Variants in NAV3 observed in about 807,000 individuals in gnomAD.
The protein encoded by NAV3 is pore membrane and/or filament interacting like protein 1.
NAV3 carries 87 observed loss-of-function variants against 244.7 expected under a neutral mutation model. That is an observed-to-expected ratio of 0.36 (90% confidence interval 0.30 to 0.42). The LOEUF is 0.42. Ranked by LOEUF, NAV3 falls within the 20% of genes least tolerant of loss-of-function variation. The pLI is 1.00. For missense variants in NAV3, 2,663 were observed against 2,893.3 expected (o/e 0.92, Z 1.83); for synonymous variants, 1,126 against 1,042.2 (o/e 1.08, Z -1.55).
chr12:77,723,596 C>T (rs77426435), intron 2 of NAV3, among the ~76,000 whole-genome samples: 1 of 151,810 alleles, frequency 6.6e-6, no homozygotes, highest in Admixed American at 6.6e-5. Flanking sequence ...GGTTCACACA[C>T]CTTCTCCCTG....
Position 77,698,756 on chromosome 12 carries a change from A to G in NAV3, c.72+126490A>G, listed in dbSNP as rs77877081. 8.0e-3 allele frequency among the ~76,000 whole-genome samples: 1,222 copies of G among 152,242 alleles called. 18 individuals are homozygous for G. The highest frequency in any genetic ancestry group is 0.028 in the African/African-American group (1,159 of 41,538). ...GAGGTATCCTCCTGAAGGCTGGTAA[A>G]ATTCTCTATGTGAATGGCATGGCTA... On this transcript the variant is annotated intron_variant, in intron 2 of 8. Transcript: ENST00000550042.
chr12:77,862,012 T>A (rs1879327676), intron 1 of NAV3, among the ~76,000 whole-genome samples: 1 of 151,800 alleles, frequency 6.6e-6, no homozygotes, highest in South Asian at 2.1e-4. Flanking sequence ...CACACACACA[T>A]GAATATACTT....
chr12:77,644,825 TAAAC>T (rs775473997), intron 2 of NAV3, among the ~76,000 whole-genome samples: 22 of 152,220 alleles, frequency 1.4e-4, no homozygotes, highest in African/African-American at 3.4e-4. Flanking sequence ...AAGAGTAGGC[TAAAC>T]AAACAAAGCA....
chr12:77,638,578 C>G (rs1391527295), intron 2 of NAV3, among the ~76,000 whole-genome samples: 1 of 152,226 alleles, frequency 6.6e-6, no homozygotes, highest in Non-Finnish European at 1.5e-5. Context: ...GTGCAATTCT[C>G]TCATCTACTA....
intron 2 of NAV3, among the ~76,000 whole-genome samples, chr12:77,768,124 C>A (rs2135865132): frequency 6.6e-6 from 1 of 152,318 alleles, no homozygotes; most frequent in African/African-American, 2.4e-5. Flanking sequence ...CCATCATCTG[C>A]CCGAATCTGG....
In NAV3 at chr12:78,011,281, T is replaced by C. The variant is rs181048589; in HGVS notation, c.1907+3836T>C. 3.5e-4 allele frequency among the ~76,000 whole-genome samples: 54 copies of C among 152,246 alleles called. 1 individual carries two copies. Among genetic ancestry groups the C allele is most frequent in the Non-Finnish European group, 3.1e-4 (21 of 68,008 alleles). On this transcript the variant is annotated intron_variant, in intron 8 of 39. Transcript: ENST00000397909. The stretch of plus-strand genomic sequence containing the variant: ...ATTGCTGCATACTTTTTCATTTATG[T>C]ACTCATCCCTCATTCTACAAATACT...
chr12:77,750,801 A>C (rs1868811857), intron 2 of NAV3, among the ~76,000 whole-genome samples: 1 of 152,224 alleles, frequency 6.6e-6, no homozygotes, highest in Non-Finnish European at 1.5e-5. Context: ...ATTTTATTCC[A>C]AATCTGGCAA....
intron 23 of NAV3, among the ~76,000 whole-genome samples, chr12:78,160,089 G>T (rs1957462981): frequency 1.3e-5 from 2 of 152,070 alleles, no homozygotes; most frequent in South Asian, 4.1e-4. Flanking sequence ...GAAATAACAA[G>T]AACTAGTTGC....
intron 17 of NAV3, 59 bp downstream of exon 17, chr12:78,127,267 T>C (rs3816381): frequency 2.0e-6 from 3 of 1,500,396 alleles, no homozygotes; most frequent in African/African-American, 1.4e-5. Flanking sequence ...CTTTGTGTGC[T>C]GTCTCTCTTC....
intron 24 of NAV3, among the ~76,000 whole-genome samples, chr12:78,172,608 C>G (rs1958051731): frequency 6.6e-6 from 1 of 151,382 alleles, no homozygotes; most frequent in African/African-American, 2.4e-5. Flanking sequence ...GAAGATTATT[C>G]CAAGGTAGTA....
At chr12:77,724,978 A>C (rs1479544541) in intron 2 of NAV3, among the ~76,000 whole-genome samples, 1 of 152,024 alleles carries the variant, frequency 6.6e-6, no homozygotes, top group Non-Finnish European at 1.5e-5. Flanking sequence ...GAGTGAGTAC[A>C]TTTTATAATC....
intron 1 of NAV3, among the ~76,000 whole-genome samples, chr12:77,916,662 G>T (rs1402388948): frequency 6.6e-6 from 1 of 151,970 alleles, no homozygotes; most frequent in East Asian, 1.9e-4. Context: ...AAAGGCATTT[G>T]CAAAGACACA....
chr12:78,078,084 A>G (rs1416885035), intron 12 of NAV3, among the ~76,000 whole-genome samples: 1 of 151,620 alleles, frequency 6.6e-6, no homozygotes, highest in Non-Finnish European at 1.5e-5. Flanking sequence ...GTGTCTTCAC[A>G]TTGTCTTCCC....
chr12:77,718,536 C>G (rs1403955963), intron 2 of NAV3, among the ~76,000 whole-genome samples: 1 of 152,062 alleles, frequency 6.6e-6, no homozygotes, highest in African/African-American at 2.4e-5. Flanking sequence ...TTTTCTTGCT[C>G]TATATTGTTT....
chr12:78,148,094 A>G (rs1956933869), intron 21 of NAV3, among the ~76,000 whole-genome samples: 2 of 152,090 alleles, frequency 1.3e-5, no homozygotes, highest in Admixed American at 6.6e-5. Flanking sequence ...ACTTAACTAA[A>G]AAGAAAGATA....
intron 2 of NAV3, among the ~76,000 whole-genome samples, chr12:77,806,797 G>A (rs1339624354): frequency 5.9e-5 from 9 of 152,154 alleles, no homozygotes; most frequent in Non-Finnish European, 4.4e-5. Context: ...TTGTGTGGTA[G>A]TCTAAGTCTC....
intron 2 of NAV3, among the ~76,000 whole-genome samples, chr12:77,584,299 A>G (rs1869500090): frequency 1.3e-5 from 2 of 152,172 alleles, no homozygotes; most frequent in South Asian, 2.1e-4. Flanking sequence ...ATAAAATACC[A>G]TTAATTCAGC....
intron 30 of NAV3, among the ~76,000 whole-genome samples, chr12:78,184,848 C>T (rs1463935842): frequency 6.6e-6 from 1 of 151,550 alleles, no homozygotes; most frequent in Non-Finnish European, 1.5e-5. Context: ...TAAAGGAAAG[C>T]ATATATTTGG....
At chr12:77,939,136 T>C (rs1889620408) in intron 1 of NAV3, among the ~76,000 whole-genome samples, 1 of 152,184 alleles carries the variant, frequency 6.6e-6, no homozygotes, top group African/African-American at 2.4e-5. Context: ...TTGTTAGAAA[T>C]GTTTAAAAAG....
Sources: gnomAD v4.1 joint callset for allele counts (sites outside exome capture counted in the v4.1 genomes callset) on GRCh38, gnomAD v4.1.1 for gene constraint, MANE v1.5 for transcripts, NCBI Gene and HGNC (gene_info 2026-07-23, HGNC 2026-07-21) for gene names.